ONECUT1: variants seen among roughly 807,000 people sequenced by gnomAD.
The protein encoded by ONECUT1 is one cut homeobox 1, also known as hepatocyte nuclear factor 6.
Under a neutral mutation model 25.6 loss-of-function variants are expected in ONECUT1, and 12 were observed. The ratio of observed to expected loss-of-function variants is 0.47; its 90% confidence interval spans 0.30 to 0.76. The LOEUF is 0.76. Ranked by LOEUF, ONECUT1 falls within the 30% of genes least tolerant of loss-of-function variation. The pLI, the probability that ONECUT1 is intolerant of heterozygous loss-of-function variation, is 0.07. For synonymous variants in ONECUT1, 285 were observed against 270.2 expected, an observed-to-expected ratio of 1.05 and a Z score of -0.54; for missense variants, 620 against 651.2, an observed-to-expected ratio of 0.95 and a Z score of 0.52.
At chr15:52,761,096 G>C (rs2083703394) in intron 1 of ONECUT1, among the ~76,000 whole-genome samples, 1 of 152,060 alleles carries the variant, frequency 6.6e-6, no homozygotes, top group Admixed American at 6.5e-5. Flanking sequence ...TGGTGGTCTA[G>C]GAGAGTGGAA....
chr15:52,771,608 C>A (rs1210006913), intron 1 of ONECUT1, among the ~76,000 whole-genome samples: 2 of 147,530 alleles, frequency 1.4e-5, no homozygotes, highest in African/African-American at 2.5e-5. Context: ...TTTTTTTTTA[C>A]AATGAGCATG....
rs551626171 is a variant in ONECUT1 at position 52,789,759 on chromosome 15, G to A, written c.126C>T (p.Gly42=). 47 of 1,404,242 alleles carry A rather than the reference G, an allele frequency of 3.3e-5. No individual in the cohort carries two copies. The African/African-American group carries it at 6.8e-4, about 20-fold the overall frequency. 87.0% of individuals were successfully genotyped at this position (1,404,242 alleles called of 1,614,324 possible). The change falls in exon 1 of 2, where the codon GGC becomes GGT. Residue 42 remains glycine, a synonymous_variant. Transcript: ENST00000305901. This position sits in a 1 kb window ranked among gnomAD's most constrained non-coding sequence, Gnocchi z 4.1. ...GCGGGTGCGCGGGGGGCAGGTGGCTGCCGCGGTGCGCCACGGAGCTGCGCG... is the reference window on the plus strand; with the variant it reads ...GCGGGTGCGCGGGGGGCAGGTGGCTACCGCGGTGCGCCACGGAGCTGCGCG... ...PHARSSVAHR[G]SHLPPAHPRS...
intron 1 of ONECUT1, among the ~76,000 whole-genome samples, chr15:52,780,349 T>G (rs897353535): frequency 6.6e-6 from 1 of 152,190 alleles, no homozygotes; most frequent in African/African-American, 2.4e-5. Context: ...CTTCCCCCTT[T>G]TAATGAGCTG....
intron 1 of ONECUT1, among the ~76,000 whole-genome samples, chr15:52,781,412 GA>G (rs1445203243): frequency 6.6e-6 from 1 of 152,194 alleles, no homozygotes; most frequent in Non-Finnish European, 1.5e-5. Flanking sequence ...AGTCCCAAAG[GA>G]AAGACACACT....
intron 1 of ONECUT1, among the ~76,000 whole-genome samples, chr15:52,765,415 T>A (rs1203916039): frequency 6.6e-6 from 1 of 152,174 alleles, no homozygotes; most frequent in Non-Finnish European, 1.5e-5. Flanking sequence ...AGAGAGACCC[T>A]TTTCTGGTCT....
intron 1 of ONECUT1, among the ~76,000 whole-genome samples, chr15:52,767,253 G>A (rs2083740084): frequency 1.3e-5 from 2 of 152,002 alleles, no homozygotes; most frequent in Admixed American, 1.3e-4. Flanking sequence ...AGACTATGGG[G>A]AAACAGAGAA....
At chr15:52,771,811 G>A (rs188356539) in intron 1 of ONECUT1, among the ~76,000 whole-genome samples, 1 of 152,290 alleles carries the variant, frequency 6.6e-6, no homozygotes, top group Non-Finnish European at 1.5e-5. Flanking sequence ...ATAAATTGGA[G>A]AGCCACTTGC....
Position 52,789,575 on chromosome 15 carries a change from T to A in ONECUT1, c.310A>T (p.Thr104Ser). The change falls in exon 1 of 2, where the codon ACC becomes TCC. Residue 104 changes from threonine (T) to serine (S), a missense_variant. By Grantham distance (58) the Thr-to-Ser change is moderately conservative. Around this residue, in one of 4 missense-constraint regions of ONECUT1, gnomAD observed 440 missense variants for 404.9 expected, o/e 1.09. Transcript: ENST00000305901. This position sits in a 1 kb window ranked among gnomAD's most constrained non-coding sequence, Gnocchi z 4.1. ...PPGMSMPTTYTTLTPLQPLPP... is the reference protein window; with the variant it reads ...PPGMSMPTTYSTLTPLQPLPP... The stretch of plus-strand genomic sequence containing the variant: ...AGCGGCTGCAGAGGGGTCAAGGTGG[T>A]GTAGGTGGTGGGCATGCTCATACCT... 6.3e-7 allele frequency: 1 copy of A among 1,583,484 alleles called. No individual in the cohort carries two copies. The highest frequency in any genetic ancestry group is 1.2e-5 in the South Asian group (1 of 85,718).
At chr15:52,761,755 C>G (rs140469920) in intron 1 of ONECUT1, among the ~76,000 whole-genome samples, 1 of 152,142 alleles carries the variant, frequency 6.6e-6, no homozygotes, top group Non-Finnish European at 1.5e-5. Flanking sequence ...GCGGTCAAAT[C>G]AAGAAGACTT....
intron 1 of ONECUT1, among the ~76,000 whole-genome samples, chr15:52,767,514 C>A (rs181434502): frequency 1.2e-4 from 18 of 152,282 alleles, no homozygotes; most frequent in Admixed American, 4.6e-4. Context: ...CTGAGCACAG[C>A]CTCATCAGTT....
Position 52,788,673 on chromosome 15 carries a change from C to A in ONECUT1, c.1105+107G>T, listed in dbSNP as rs946324010. 2 of 1,228,140 alleles carry A rather than the reference C, an allele frequency of 1.6e-6. No individual in the cohort carries two copies. Among genetic ancestry groups the A allele is most frequent in the African/African-American group, 1.5e-5 (1 of 66,192 alleles). The allele number at this position is 1,228,140 out of a possible 1,614,324, so 76.1% of individuals were successfully genotyped here. On this transcript the variant is annotated intron_variant, in intron 1 of 1. Coordinates refer to ENST00000305901, the MANE Select transcript of ONECUT1 (RefSeq NM_004498.4). This position sits in a 1 kb window ranked among gnomAD's most constrained non-coding sequence, Gnocchi z 4.3. ...GGAGTCCCCCTTCTAGGGGTAGGGG[C>A]GGGCGGGATGAAGCGCACCCAGCCC...
chr15:52,776,203 C>A (rs1596052705), intron 1 of ONECUT1, among the ~76,000 whole-genome samples: 1 of 152,232 alleles, frequency 6.6e-6, no homozygotes, highest in East Asian at 1.9e-4. Flanking sequence ...TGCCTCAAAT[C>A]TGTACAGAAG....
intron 1 of ONECUT1, chr15:52,780,782 T>C (rs2083836018): frequency 1.4e-6 from 2 of 1,408,820 alleles, no homozygotes; most frequent in East Asian, 2.6e-5. Context: ...AAAAAGCACA[T>C]AGTTTATTGC....
chr15:52,765,374 A>T (rs2083728427), intron 1 of ONECUT1, among the ~76,000 whole-genome samples: 1 of 152,200 alleles, frequency 6.6e-6, no homozygotes, highest in Admixed American at 6.5e-5. Flanking sequence ...ACACAGGGTG[A>T]GCCCTCTGCT....
In ONECUT1 at chr15:52,779,252, AT is replaced by A. The variant is rs922728784; in HGVS notation, c.1105+9527del. ...GTGCAGGCCACCACACCCGGCTAAT[AT>A]TTTTTTTTTGTATTTTAGTACAGAC... On this transcript the variant is annotated intron_variant, in intron 1 of 1. Coordinates refer to ENST00000305901, the MANE Select transcript of ONECUT1 (RefSeq NM_004498.4). 2.1e-4 allele frequency among the ~76,000 whole-genome samples: 31 copies of A among 147,786 alleles called. No individual in the cohort carries two copies. In the East Asian group the frequency reaches 3.5e-3, roughly 17 times the overall value.
intron 1 of ONECUT1, among the ~76,000 whole-genome samples, chr15:52,771,895 T>G (rs1296150962): frequency 1.3e-5 from 2 of 152,356 alleles, no homozygotes; most frequent in Non-Finnish European, 2.9e-5. Flanking sequence ...ACAGGCTGAC[T>G]AAATCAGAAT....
At chr15:52,767,641 G>C (rs1454043122) in intron 1 of ONECUT1, among the ~76,000 whole-genome samples, 1 of 152,216 alleles carries the variant, frequency 6.6e-6, no homozygotes, top group Admixed American at 6.5e-5. Flanking sequence ...CCTTGCGCCT[G>C]CTAGTTTGGT....
chr15:52,785,157 C>T (rs2141464034), intron 1 of ONECUT1, among the ~76,000 whole-genome samples: 1 of 152,388 alleles, frequency 6.6e-6, no homozygotes, highest in South Asian at 2.1e-4. Flanking sequence ...CCCCGCACTC[C>T]TGCCTGACTC....
rs201393847 is a variant in ONECUT1 at position 52,758,517 on chromosome 15, T to C, written c.1106-670A>G. Among the ~76,000 whole-genome samples, 4 of 152,160 alleles carry C rather than the reference T, an allele frequency of 2.6e-5. No individual in the cohort carries two copies. In the East Asian group the frequency reaches 7.7e-4, roughly 29 times the overall value. On this transcript the variant is annotated intron_variant, in intron 1 of 1. Coordinates refer to ENST00000305901, the MANE Select transcript of ONECUT1 (RefSeq NM_004498.4). Reference sequence around the variant, plus strand: ...GATTTTCTAGTGGAACCGGGAACTGTGGAGGTGTGAACCGCTCTTCTTCGA... The same window carrying C: ...GATTTTCTAGTGGAACCGGGAACTGCGGAGGTGTGAACCGCTCTTCTTCGA...
Sources: allele counts gnomAD v4.1 joint callset (sites outside exome capture counted in the v4.1 genomes callset), GRCh38; gene constraint gnomAD v4.1.1; regional missense constraint gnomAD v4.1.1; non-coding constraint Gnocchi (gnomAD v3.1); transcripts MANE v1.5; gene names NCBI Gene and HGNC (gene_info 2026-07-23, HGNC 2026-07-21).